The following ALOXE3 variants were observed in gnomAD, a reference collection of about 807,000 sequenced individuals.
ALOXE3 encodes hydroperoxide isomerase ALOXE3.
Under a neutral mutation model 87.5 loss-of-function variants are expected in ALOXE3, and 78 were observed. The ratio of observed to expected loss-of-function variants is 0.89; its 90% CI spans 0.74 to 1.08. The LOEUF (loss-of-function observed/expected upper bound fraction) is 1.08. Ranked by LOEUF, ALOXE3 falls within the 50% of genes least tolerant of loss-of-function variation. The pLI, the probability that ALOXE3 is intolerant of heterozygous loss-of-function variation, is 0.00. For missense variants in ALOXE3, 946 were observed against 912.4 expected (o/e 1.04, Z -0.47); for synonymous variants, 363 against 370.8 (o/e 0.98, Z 0.24).
intron 13 of ALOXE3, among the ~76,000 whole-genome samples, chr17:8,107,518 C>A (rs1001266825): frequency 6.6e-6 from 1 of 151,314 alleles, no homozygotes; most frequent in African/African-American, 2.4e-5. Flanking sequence ...CTCTGTCTCG[C>A]ACCAGGCGAG....
chr17:8,103,412 T>C lies in ALOXE3; in HGVS notation c.1867A>G (p.Lys623Glu). 6.2e-7 allele frequency: 1 copy of C among 1,614,120 alleles called. No individual in the cohort carries two copies. Among genetic ancestry groups the C allele is most frequent in the Non-Finnish European group, 8.5e-7 (1 of 1,179,998 alleles). The stretch of plus-strand genomic sequence containing the variant: ...TCAGGGAGGGTGTCTAGGTAAGTCT[T>C]CAGGGTGGTGGTCCCCTTGGTCTGG... ...PPQTKGTTTL[K>E]TYLDTLPEVN... Residue 623 changes from lysine to glutamate, a missense_variant, in exon 15 of 16, where the codon AAG (lysine) becomes GAG (glutamate). Lys to Glu is a moderately conservative substitution (Grantham distance 56, BLOSUM62 1). Coordinates refer to ENST00000448843, the MANE Select transcript of ALOXE3 (RefSeq NM_021628.3).
rs1268088012 is a variant in ALOXE3, at chr17:8,101,499, A to C, written c.1956+1824T>G. Among the ~76,000 whole-genome samples the C allele has an allele frequency of 3.9e-5, 6 of 152,170 alleles. No individual in the cohort carries two copies. The East Asian group carries it at 1.2e-3, about 29-fold the overall frequency. ...TATAGTTTATAGGAGAGAGCCCTCC[A>C]CCCTCATGCTGTTGTCTACTTATCT... is the stretch of plus-strand genomic sequence containing the variant. On this transcript the variant is annotated intron_variant, in intron 15 of 15. Transcript: ENST00000448843.
At chr17:8,114,899 TG>T in intron 5 of ALOXE3, 38 bp downstream of exon 5, 1 of 1,613,564 alleles carries the variant, frequency 6.2e-7, no homozygotes, top group Non-Finnish European at 8.5e-7. Context: ...ACCTTCCACT[TG>T]ACTTCCTTTC....
intron 12 of ALOXE3, 93 bp from the exon 13 acceptor site, chr17:8,108,682 A>G: frequency 6.4e-7 from 1 of 1,558,384 alleles, no homozygotes; most frequent in Non-Finnish European, 8.7e-7. Context: ...CGGCAGAGAG[A>G]CAGATAGCCA....
chr17:8,117,734 G>A, intron 2 of ALOXE3, 110 bp downstream of exon 2: 5 of 1,535,846 alleles, frequency 3.3e-6, no homozygotes, highest in Non-Finnish European at 4.4e-6. Context: ...GAGGAGGTCA[G>A]GGCCGGTATC....
intron 15 of ALOXE3, among the ~76,000 whole-genome samples, chr17:8,102,244 C>A (rs920687532): frequency 3.9e-5 from 6 of 152,152 alleles, no homozygotes; most frequent in African/African-American, 1.4e-4. Context: ...CCTGTAATTC[C>A]AGCACTTTGG....
At chr17:8,110,878 G>A (rs1045632151) in intron 8 of ALOXE3, among the ~76,000 whole-genome samples, 1 of 152,150 alleles carries the variant, frequency 6.6e-6, no homozygotes, top group African/African-American at 2.4e-5. Flanking sequence ...CATGAGAACT[G>A]ACCAACCATG....
chr17:8,096,543 G>A lies in ALOXE3; in HGVS notation c.*84C>T. 1 of 788,704 alleles carries A rather than the reference G, an allele frequency of 1.3e-6. No homozygotes were observed. Among genetic ancestry groups the A allele is most frequent in the Non-Finnish European group, 2.3e-6 (1 of 428,594 alleles). 48.9% of individuals were successfully genotyped at this position (788,704 alleles called of 1,614,324 possible). A position where few individuals can be genotyped will look rare whatever the true frequency, so the allele number is the denominator to read the frequency against. ...GGTTCAGGTGAACTGAGAACAGGGA[G>A]GATGGAAGGGTCTGGAGGACCTGAG... On this transcript the variant is annotated 3_prime_UTR_variant, in exon 16 of 16. Coordinates refer to ENST00000448843, the MANE Select transcript of ALOXE3 (RefSeq NM_021628.3).
intron 15 of ALOXE3, 72 bp downstream of exon 15, chr17:8,103,251 C>A (rs1979034573): frequency 6.4e-7 from 1 of 1,571,988 alleles, no homozygotes; most frequent in Non-Finnish European, 8.7e-7. Context: ...CTCAAGCCCC[C>A]AGACGAAGCC....
rs1334233213 is a variant in ALOXE3 at position 8,110,285 on chromosome 17, G to T, written c.1112C>A (p.Thr371Asn). The T allele has an allele frequency of 6.2e-7, 1 of 1,613,976 alleles. No individual in the cohort carries two copies. The highest frequency in any genetic ancestry group is 1.7e-5 in the Admixed American group (1 of 60,026). ...LVPLAIQLSQ[T>N]PGPDSPIFLP... ...GAAGATGGGGCTGTCAGGCCCGGGG[G>T]TCTGGCTGAGCTGCGTCCGAAAGGA... is the stretch of plus-strand genomic sequence containing the variant. The change falls in exon 10 of 16, where the codon ACC (threonine) becomes AAC (asparagine). Residue 371 changes from threonine to asparagine, a missense_variant. Physicochemically the swap from Thr to Asn is moderately conservative, Grantham distance 65 (BLOSUM62 0). Transcript: ENST00000448843.
At chr17:8,112,325 G>A in intron 6 of ALOXE3, 129 bp from the exon 7 acceptor site, 1 of 711,224 alleles carries the variant, frequency 1.4e-6, no homozygotes, top group South Asian at 1.6e-5. Context: ...CAATCCACAT[G>A]GGAGAAAAAG....
At chr17:8,108,706 G>T in intron 12 of ALOXE3, 117 bp from the exon 13 acceptor site, 1 of 1,436,888 alleles carries the variant, frequency 7.0e-7, no homozygotes, top group Admixed American at 1.8e-5. Context: ...GGGTTCAGCA[G>T]GGACCCCCAG....
rs749834593 is a variant in ALOXE3, at chr17:8,110,099, A to G, written c.1298T>C (p.Ile433Thr). The change falls in exon 10 of 16, where the codon ATC becomes ACC. Residue 433 changes from isoleucine to threonine, a missense_variant. Transcript: ENST00000448843. The part of the protein sequence containing the change: ...TLRQLPLCHP[I>T]YKLLLPHTRY... ...CCACCCGGGGTCGCGGACCTTGTAG[A>G]TGGGGTGGCAGAGCGGCAGCTGGCG... 1.2e-6 allele frequency: 2 copies of G among 1,612,728 alleles called. No individual in the cohort carries two copies. The highest frequency in any genetic ancestry group is 1.7e-5 in the Admixed American group (1 of 59,858).
intron 12 of ALOXE3, 52 bp downstream of exon 12, chr17:8,109,122 C>G: frequency 6.2e-7 from 1 of 1,606,562 alleles, no homozygotes; most frequent in African/African-American, 1.3e-5. Flanking sequence ...ACCACAATGT[C>G]CCAGGCCAGG....
chr17:8,110,363 G>A (rs1428667995), intron 9 of ALOXE3, 22 bp downstream of exon 9: 1 of 1,604,666 alleles, frequency 6.2e-7, no homozygotes, highest in South Asian at 1.1e-5. Context: ...CCCCCATCCC[G>A]GGGCGGCGGC....
intron 6 of ALOXE3, 124 bp downstream of exon 6, chr17:8,114,360 A>G: frequency 7.4e-7 from 1 of 1,349,962 alleles, no homozygotes; most frequent in South Asian, 1.2e-5. Flanking sequence ...ATGAGTCCAG[A>G]GAGGAGGGAC....
chr17:8,110,504 A>G lies in ALOXE3; in HGVS notation c.982T>C (p.Tyr328His). 6.2e-7 allele frequency: 1 copy of G among 1,613,970 alleles called. No homozygotes were observed. Among genetic ancestry groups the G allele is most frequent in the Non-Finnish European group, 8.5e-7 (1 of 1,179,902 alleles). The change falls in exon 9 of 16, where the codon TAC becomes CAC. Residue 328 changes from tyrosine (Y) to histidine (H), a missense_variant. Tyr to His is a moderately conservative substitution (Grantham distance 83, BLOSUM62 2). Transcript: ENST00000448843. ...GTGGGGGCCTCCGCCAGGATCCAGT[A>G]GTCCGCTAGGAAGATGTTCCCCCTC... ...LERGNIFLAD[Y>H]WILAEAPTHC...
Position 8,118,080 on chromosome 17 carries a change from T to C in ALOXE3, c.-90A>G. On this transcript the variant is annotated 5_prime_UTR_variant, in exon 2 of 16. Coordinates refer to ENST00000448843, the MANE Select transcript of ALOXE3 (RefSeq NM_021628.3). ...GAGCGGCACGCCGGACAGGGCTGGG[T>C]TTCTGGGCGGAGGGCTAGGGGCTGC... 6.4e-7 allele frequency: 1 copy of C among 1,566,512 alleles called. No homozygotes were observed. Among genetic ancestry groups the C allele is most frequent in the Non-Finnish European group, 8.6e-7 (1 of 1,157,060 alleles).
rs755813396 is a variant in ALOXE3 at position 8,109,339 on chromosome 17, G to T, written c.1397C>A (p.Thr466Lys). The T allele has an allele frequency of 1.2e-6, 2 of 1,613,568 alleles. No homozygotes were observed. Among genetic ancestry groups the T allele is most frequent in the South Asian group, 2.2e-5 (2 of 91,076 alleles). The change falls in exon 12 of 16, where the codon ACG becomes AAG. Residue 466 changes from threonine to lysine, a missense_variant. By Grantham distance (78) the Thr-to-Lys change is moderately conservative. Transcript: ENST00000448843. The stretch of plus-strand genomic sequence containing the variant: ...GATGAGGCCTTGCCTCCCGATGGAC[G>T]TGACCTGAGGACACAGCACAGCTCG... ...LNPEGLVDQV[T>K]SIGRQGLIYL...
Sources: gnomAD v4.1 joint callset for allele counts (sites outside exome capture counted in the v4.1 genomes callset) on GRCh38, gnomAD v4.1.1 for gene constraint, MANE v1.5 for transcripts, NCBI Gene and HGNC (gene_info 2026-07-23, HGNC 2026-07-21) for gene names.